SIK3: variants seen among roughly 807,000 people sequenced by gnomAD.
SIK3 encodes the protein SIK family kinase 3.
Under a neutral mutation model 144.2 loss-of-function variants are expected in SIK3, and 28 were observed. The observed-to-expected ratio is 0.19, with a 90% CI of 0.14 to 0.27. The LOEUF is 0.27. Ranked by LOEUF, SIK3 falls within the 10% of genes least tolerant of loss-of-function variation. The pLI is 1.00. For synonymous variants in SIK3, 686 were observed against 676.3 expected (o/e 1.01, Z -0.22); for missense variants, 1,319 against 1,776.0 (o/e 0.74, Z 4.62).
chr11:116,893,019 G>A (rs1203640204), intron 6 of SIK3, among the ~76,000 whole-genome samples: 1 of 152,164 alleles, frequency 6.6e-6, no homozygotes, highest in Non-Finnish European at 1.5e-5. Context: ...AAAACTTGTG[G>A]AGACAGTGAA....
intron 1 of SIK3, among the ~76,000 whole-genome samples, chr11:117,044,303 A>G (rs1591599455): frequency 1.3e-5 from 2 of 152,206 alleles, no homozygotes; most frequent in South Asian, 4.1e-4. Context: ...TTTAGTACTT[A>G]TAAAAACCCA....
chr11:116,890,943 G>GT (rs1047266220), intron 6 of SIK3, among the ~76,000 whole-genome samples: 5 of 152,148 alleles, frequency 3.3e-5, no homozygotes, highest in African/African-American at 1.2e-4. Flanking sequence ...GATCAATTTA[G>GT]TAAGTCGAAA....
intron 3 of SIK3, among the ~76,000 whole-genome samples, chr11:116,952,226 C>T (rs1390073334): frequency 6.6e-6 from 1 of 151,932 alleles, no homozygotes; most frequent in Non-Finnish European, 1.5e-5. Flanking sequence ...TATAGTGAGA[C>T]CCCCGTCTCT....
chr11:117,079,435 G>A (rs1171399246), intron 1 of SIK3, among the ~76,000 whole-genome samples: 2 of 152,148 alleles, frequency 1.3e-5, no homozygotes, highest in African/African-American at 4.8e-5. Context: ...AATGGAGGGT[G>A]TATTACAAGG....
rs1944288507 is a variant in SIK3, at chr11:116,876,937, G to T, written c.971C>A (p.Pro324His). The change falls in exon 7 of 25, where the codon CCC becomes CAC. Residue 324 changes from proline to histidine, a missense_variant. By Grantham distance (77) the Pro-to-His change is moderately conservative. Around this residue, in one of 8 missense-constraint regions of SIK3, gnomAD observed 34 missense variants for 56.1 expected, o/e 0.61. Transcript: ENST00000445177. The part of the protein sequence containing the change: ...HKWMKLGDAD[P>H]NFDRLIAECQ... ...TTCCCAGCTCACCCTGTCAAAGTTG[G>T]GATCGGCGTCCCCTAGCTTCATCCA... The T allele has an allele frequency of 6.2e-7, 1 of 1,614,102 alleles. No homozygotes were observed. The highest frequency in any genetic ancestry group is 8.5e-7 in the Non-Finnish European group (1 of 1,179,976).
chr11:117,004,429 T>C (rs908285926), intron 1 of SIK3, among the ~76,000 whole-genome samples: 9 of 152,042 alleles, frequency 5.9e-5, no homozygotes, highest in Non-Finnish European at 1.0e-4. Flanking sequence ...GGTGGGAGGA[T>C]TGCTTGAGCC....
intron 6 of SIK3, among the ~76,000 whole-genome samples, chr11:116,888,161 G>C (rs1403345511): frequency 5.3e-5 from 8 of 152,196 alleles, no homozygotes; most frequent in Admixed American, 1.3e-4. Context: ...TCTTCCAAGT[G>C]ATCATTTAGA....
At chr11:116,987,391 T>C (rs1298487615) in intron 1 of SIK3, among the ~76,000 whole-genome samples, 1 of 150,996 alleles carries the variant, frequency 6.6e-6, no homozygotes, top group Non-Finnish European at 1.5e-5. Context: ...TGAATAGATG[T>C]TCTGAGAGAT....
chr11:117,077,728 T>C (rs1343985940), intron 1 of SIK3, among the ~76,000 whole-genome samples: 1 of 152,044 alleles, frequency 6.6e-6, no homozygotes, highest in Non-Finnish European at 1.5e-5. Flanking sequence ...AAAATTGTAA[T>C]ACAACTAAAA....
At chr11:117,087,994 C>G (rs1955088388) in intron 1 of SIK3, among the ~76,000 whole-genome samples, 1 of 152,116 alleles carries the variant, frequency 6.6e-6, no homozygotes, top group Non-Finnish European at 1.5e-5. Context: ...CTTCGGGAAG[C>G]CAAAGAGGGA....
intron 4 of SIK3, among the ~76,000 whole-genome samples, chr11:116,915,380 T>C (rs1277379318): frequency 6.6e-6 from 1 of 152,176 alleles, no homozygotes; most frequent in Non-Finnish European, 1.5e-5. Context: ...ACCTAGGATT[T>C]GGAACACTTA....
intron 20 of SIK3, 76 bp downstream of exon 20, chr11:116,859,189 T>C: frequency 1.5e-6 from 2 of 1,360,474 alleles, no homozygotes; most frequent in Non-Finnish European, 2.0e-6. Flanking sequence ...TCCCTCCTTT[T>C]CTCTCACTCT....
At chr11:116,988,245 G>A (rs1950386162) in intron 1 of SIK3, among the ~76,000 whole-genome samples, 2 of 151,912 alleles carry the variant, frequency 1.3e-5, no homozygotes, top group Non-Finnish European at 2.9e-5. Flanking sequence ...AAATTAGCCG[G>A]CACGGTGGCA....
chr11:116,966,918 T>C (rs1455095022), intron 1 of SIK3, among the ~76,000 whole-genome samples: 2 of 147,832 alleles, frequency 1.4e-5, no homozygotes, highest in Admixed American at 1.4e-4. Flanking sequence ...GGCAGGGGAA[T>C]TGCTTGAACC....
intron 1 of SIK3, among the ~76,000 whole-genome samples, chr11:117,093,859 T>A (rs1955354887): frequency 6.6e-6 from 1 of 151,984 alleles, no homozygotes; most frequent in Non-Finnish European, 1.5e-5. Context: ...ACAAAACTAA[T>A]GGCATATACA....
intron 1 of SIK3, among the ~76,000 whole-genome samples, chr11:116,961,561 G>A (rs1007620585): frequency 6.6e-6 from 1 of 152,132 alleles, no homozygotes; most frequent in African/African-American, 2.4e-5. Flanking sequence ...GTAAAGAAAA[G>A]ATAAACTCTC....
rs561087540 is a variant in SIK3 at position 116,949,544 on chromosome 11, C to A, written c.454+4500G>T. ...TTTGTTTTTATTTAAGACAGGGTCT[C>A]CCTATGTTGCCTATGCTGACCTCCA... On this transcript the variant is annotated intron_variant, in intron 3 of 24. Transcript: ENST00000445177. Among the ~76,000 whole-genome samples the A allele has an allele frequency of 2.0e-3, 309 of 152,260 alleles. 3 individuals carry two copies. The highest frequency in any genetic ancestry group is 3.6e-3 in the Non-Finnish European group (245 of 68,022).
At chr11:116,863,896 A>C (rs932358753) in intron 15 of SIK3, 78 bp from the exon 16 acceptor site, 29 of 1,428,820 alleles carry the variant, frequency 2.0e-5, no homozygotes, top group Non-Finnish European at 6.6e-6. Context: ...GCTGTTCCAG[A>C]TGAACATAAA....
At chr11:117,086,853 G>A (rs1258100271) in intron 1 of SIK3, among the ~76,000 whole-genome samples, 1 of 151,982 alleles carries the variant, frequency 6.6e-6, no homozygotes, top group African/African-American at 2.4e-5. Flanking sequence ...AAATTAGCCA[G>A]GTGTGGTGGC....
Sources: gnomAD v4.1 joint callset for allele counts (sites outside exome capture counted in the v4.1 genomes callset) on GRCh38, gnomAD v4.1.1 for gene constraint, gnomAD v4.1.1 regional missense constraint, MANE v1.5 for transcripts, NCBI Gene and HGNC (gene_info 2026-07-23, HGNC 2026-07-21) for gene names.